The following PCDH11Y variants were observed in gnomAD, a reference collection of about 807,000 sequenced individuals.
The protein encoded by PCDH11Y is protocadherin 11 Y-linked, also known as protocadherin-11 Y-linked.
For synonymous variants in PCDH11Y, 9 were observed against 83.6 expected (o/e 0.11, Z 4.87); for missense variants, 12 against 224.8 (o/e 0.05, Z 6.05).
chrY:5,685,571 TAGTG>T (rs2053562330), intron 4 of PCDH11Y, among the ~76,000 whole-genome samples: 3 of 31,000 alleles, frequency 9.7e-5, no homozygotes, highest in Non-Finnish European at 2.3e-4. Flanking sequence ...TTATTGAAAA[TAGTG>T]AGTTATCTTA....
At chrY:5,679,434 T>C (rs2053556416) in intron 4 of PCDH11Y, among the ~76,000 whole-genome samples, 1 of 32,670 alleles carries the variant, frequency 3.1e-5, no homozygotes, top group Non-Finnish European at 7.5e-5. Flanking sequence ...AGGAACCAGT[T>C]CTGGCAGTTA....
chrY:5,494,875 C>T (rs2053342658), intron 2 of PCDH11Y, among the ~76,000 whole-genome samples: 1 of 30,930 alleles, frequency 3.2e-5, no homozygotes, highest in Non-Finnish European at 7.7e-5. Flanking sequence ...GGTGAAACCC[C>T]GTCTCTACTA....
chrY:5,565,978 TG>T (rs2053434319), intron 3 of PCDH11Y, among the ~76,000 whole-genome samples: 2 of 24,314 alleles, frequency 8.2e-5, no homozygotes, highest in Non-Finnish European at 1.8e-4. Flanking sequence ...TATATATATA[TG>T]TTTTTTTTTT....
chrY:5,738,348 T>TAAACTTTTGTTC (rs2053613385), exon 5 of PCDH11Y: 1 of 61,521 alleles, frequency 1.6e-5, no homozygotes, highest in South Asian at 1.1e-4. Flanking sequence ...ACCTTTAGTT[T>TAAACTTTTGTTC]ACCTAAACTT....
intron 2 of PCDH11Y, among the ~76,000 whole-genome samples, chrY:5,237,691 A>G: frequency 6.1e-5 from 2 of 33,042 alleles, no homozygotes; most frequent in African/African-American, 2.4e-4. Context: ...TCAGCCCAAA[A>G]TCTCCTTAAG....
intron 3 of PCDH11Y, among the ~76,000 whole-genome samples, chrY:5,038,517 G>T (rs2052602560): frequency 3.1e-5 from 1 of 31,867 alleles, no homozygotes; most frequent in Admixed American, 2.9e-4. Flanking sequence ...GAGTTATTTT[G>T]GTGTATTACC....
In PCDH11Y at chrY:5,184,611, CTTG is replaced by C. The variant is rs2052904642; in HGVS notation, c.3129+83907_3129+83909del. Among the ~76,000 whole-genome samples, 7 of 11,141 alleles carry C rather than the reference CTTG, an allele frequency of 6.3e-4. No homozygotes were observed. The East Asian group carries it at 0.017, about 27-fold the overall frequency. 29.9% of individuals were successfully genotyped at this position (11,141 alleles called of 37,273 possible). A position where few individuals can be genotyped will look rare whatever the true frequency, so the allele number is the denominator to read the frequency against. ...TCTTTCCTCTACATCCTCACCAATACTTGTTATCTTTTCAAATTTGATAATGAC... is the reference window on the plus strand; with the variant it reads ...TCTTTCCTCTACATCCTCACCAATACTTATCTTTTCAAATTTGATAATGAC... On this transcript the variant is annotated intron_variant, in intron 2 of 4. Transcript: ENST00000400457.
At chrY:5,344,677 T>C (rs1161652689) in intron 2 of PCDH11Y, among the ~76,000 whole-genome samples, 5 of 33,110 alleles carry the variant, frequency 1.5e-4, no homozygotes, top group Non-Finnish European at 3.7e-4. Flanking sequence ...TCTTTTATTT[T>C]TTTTTTTTGG....
At chrY:5,069,887 T>C (rs2052696663) in intron 1 of PCDH11Y, among the ~76,000 whole-genome samples, 1 of 33,347 alleles carries the variant, frequency 3.0e-5, no homozygotes, top group Admixed American at 2.8e-4. Context: ...AAGTGTTGTC[T>C]CTTTGTTCAT....
chrY:5,574,858 T>TTTC (rs2053444254), intron 3 of PCDH11Y, among the ~76,000 whole-genome samples: 1 of 32,621 alleles, frequency 3.1e-5, no homozygotes, highest in Non-Finnish European at 7.5e-5. Flanking sequence ...GGGAACAGAA[T>TTTC]AGAGAACCCA....
chrY:5,168,374 G>C (rs2052882502), intron 2 of PCDH11Y, among the ~76,000 whole-genome samples: 1 of 26,005 alleles, frequency 3.8e-5, no homozygotes, highest in African/African-American at 1.5e-4. Context: ...TACAAATCAA[G>C]TATATAAATC....
chrY:5,092,111 C>T (rs2052742380), intron 1 of PCDH11Y, among the ~76,000 whole-genome samples: 46 of 31,546 alleles, frequency 1.5e-3, no homozygotes, highest in African/African-American at 5.7e-3. Context: ...GTTTTCTTAC[C>T]CAAAGGGAGA....
intron 4 of PCDH11Y, among the ~76,000 whole-genome samples, chrY:5,599,845 A>AT (rs2053470856): frequency 6.1e-5 from 2 of 32,706 alleles, no homozygotes; most frequent in Admixed American, 2.9e-4. Context: ...AATATTTCTG[A>AT]TTTTTTATTA....
intron 2 of PCDH11Y, among the ~76,000 whole-genome samples, chrY:5,255,801 G>A: frequency 3.0e-5 from 1 of 33,190 alleles, no homozygotes; most frequent in African/African-American, 1.2e-4. Flanking sequence ...TCAACGTTGA[G>A]CAACTTTTCA....
intron 4 of PCDH11Y, among the ~76,000 whole-genome samples, chrY:5,594,219 G>A (rs1317549468): frequency 8.6e-4 from 28 of 32,507 alleles, no homozygotes; most frequent in Non-Finnish European, 1.6e-3. Flanking sequence ...AGGTCTTTGT[G>A]CACCCTCTAT....
intron 4 of PCDH11Y, among the ~76,000 whole-genome samples, chrY:5,696,146 T>C: frequency 9.0e-5 from 3 of 33,347 alleles, no homozygotes; most frequent in African/African-American, 3.5e-4. Context: ...TGGGGAGTTG[T>C]CCCTCCTTTT....
chrY:5,121,732 C>T (rs2052818489), intron 2 of PCDH11Y, among the ~76,000 whole-genome samples: 1 of 32,670 alleles, frequency 3.1e-5, no homozygotes, highest in Non-Finnish European at 7.5e-5. Flanking sequence ...CATAATAGAG[C>T]TATCCTTTGT....
chrY:5,660,848 C>T, intron 4 of PCDH11Y, among the ~76,000 whole-genome samples: 1 of 32,660 alleles, frequency 3.1e-5, no homozygotes. Flanking sequence ...CTTCTTATAC[C>T]ACCCTCTTTA....
At chrY:5,687,479 T>C (rs2053564429) in intron 4 of PCDH11Y, among the ~76,000 whole-genome samples, 3 of 30,683 alleles carry the variant, frequency 9.8e-5, no homozygotes, top group Non-Finnish European at 2.4e-4. Flanking sequence ...TGGCGGGCGC[T>C]TGTAGTCCCA....
Sources: gnomAD v4.1 joint callset for allele counts (sites outside exome capture counted in the v4.1 genomes callset) on GRCh38, gnomAD v4.1.1 for gene constraint, MANE v1.5 for transcripts, NCBI Gene and HGNC (gene_info 2026-07-23, HGNC 2026-07-21) for gene names.